Variants in CPEB3 observed in about 807,000 individuals in gnomAD.
CPEB3 encodes the protein cytoplasmic polyadenylation element binding protein 3, also known as cytoplasmic polyadenylation element-binding protein 3.
A neutral mutation model predicts 67.2 loss-of-function variants in CPEB3; 20 were observed. The observed-to-expected ratio is 0.30, with a 90% CI of 0.21 to 0.43. CPEB3 has a LOEUF of 0.43. CPEB3 is among the 20% of genes least tolerant of loss of function. The pLI is 1.00. For synonymous variants in CPEB3, 376 were observed against 393.1 expected (o/e 0.96, Z 0.51); for missense variants, 746 against 968.6 (o/e 0.77, Z 3.05).
chr10:92,075,125 T>C (rs1220225417), intron 9 of CPEB3, among the ~76,000 whole-genome samples: 1 of 152,206 alleles, frequency 6.6e-6, no homozygotes, highest in Non-Finnish European at 1.5e-5. Context: ...TGGCTGGACA[T>C]GCCACAGCAA....
At chr10:92,137,876 C>G (rs1008051391) in intron 6 of CPEB3, 1 of 168,358 alleles carries the variant, frequency 5.9e-6, no homozygotes, top group African/African-American at 2.4e-5. Context: ...TGGCAAGTGC[C>G]TGTAGTCCCA....
At chr10:92,160,588 AC>A (rs1847426165) in intron 4 of CPEB3, among the ~76,000 whole-genome samples, 1 of 152,080 alleles carries the variant, frequency 6.6e-6, no homozygotes, top group Non-Finnish European at 1.5e-5. Flanking sequence ...GAAAGGAAAT[AC>A]TCCATATTTT....
intron 6 of CPEB3, among the ~76,000 whole-genome samples, chr10:92,132,206 T>C (rs1268798551): frequency 6.6e-6 from 1 of 152,168 alleles, no homozygotes; most frequent in Non-Finnish European, 1.5e-5. Context: ...GTGCATTTCT[T>C]GAGAAACAGA....
chr10:92,137,255 T>C (rs1038070344), intron 6 of CPEB3: 6 of 595,974 alleles, frequency 1.0e-5, no homozygotes, highest in South Asian at 3.8e-5. Flanking sequence ...CATGGCTGTA[T>C]TGGGGGCACC....
intron 7 of CPEB3, among the ~76,000 whole-genome samples, chr10:92,110,478 C>T: frequency 6.6e-6 from 1 of 152,172 alleles, no homozygotes; most frequent in Admixed American, 6.5e-5. Flanking sequence ...AATCTTCCTC[C>T]CTTATCCAGT....
At chr10:92,257,687 C>T (rs7098981) in intron 1 of CPEB3, among the ~76,000 whole-genome samples, 61 of 151,238 alleles carry the variant, frequency 4.0e-4, no homozygotes, top group South Asian at 3.7e-3. Context: ...AAACAGAATC[C>T]GGTTCCTGAT....
chr10:92,098,152 A>G (rs970505704), intron 7 of CPEB3, among the ~76,000 whole-genome samples: 2 of 106,716 alleles, frequency 1.9e-5, no homozygotes, highest in African/African-American at 3.4e-5. Flanking sequence ...CAAGAGTGAC[A>G]CTCTGCCTAA....
chr10:92,288,689 T>C (rs183476079), intron 1 of CPEB3, among the ~76,000 whole-genome samples: 2 of 152,320 alleles, frequency 1.3e-5, no homozygotes, highest in Non-Finnish European at 2.9e-5. Flanking sequence ...GTTGGTATAA[T>C]AAGGTCAAGG....
intron 2 of CPEB3, among the ~76,000 whole-genome samples, chr10:92,196,496 C>T (rs569841855): frequency 4.9e-4 from 74 of 152,272 alleles, no homozygotes; most frequent in African/African-American, 1.5e-3. Context: ...TTTCCAGGTG[C>T]AGTGGCTCAC....
intron 9 of CPEB3, among the ~76,000 whole-genome samples, chr10:92,078,503 CTGAT>C (rs918595170): frequency 2.0e-4 from 30 of 151,996 alleles, no homozygotes; most frequent in African/African-American, 7.3e-4. Flanking sequence ...TTGACAGTGA[CTGAT>C]TGAAGCAGCA....
chr10:92,213,005 T>C (rs757730812), intron 2 of CPEB3, among the ~76,000 whole-genome samples: 4 of 152,220 alleles, frequency 2.6e-5, no homozygotes, highest in Non-Finnish European at 5.9e-5. Flanking sequence ...TGCAGTCTAT[T>C]TCTTTGGACA....
intron 4 of CPEB3, among the ~76,000 whole-genome samples, chr10:92,160,784 C>A (rs189964331): frequency 6.6e-6 from 1 of 152,256 alleles, no homozygotes; most frequent in East Asian, 1.9e-4. Context: ...CACTAAACAT[C>A]CAAGTAATAT....
At chr10:92,281,925 CTA>C (rs1286791166) in intron 1 of CPEB3, among the ~76,000 whole-genome samples, 3 of 152,150 alleles carry the variant, frequency 2.0e-5, no homozygotes, top group African/African-American at 7.2e-5. Flanking sequence ...TGTTTTACTA[CTA>C]TTATGAAATA....
In CPEB3 at chr10:92,051,170, T is replaced by C. The variant is rs902234505; in HGVS notation, c.*1042A>G. On this transcript the variant is annotated 3_prime_UTR_variant, in exon 10 of 10. Transcript: ENST00000265997. ...GGCTCTTCCCATTCAGAGCATTCCA[T>C]TTATTGAGGCATGCCTTCCTCCGGT... 16 of 152,588 alleles carry C rather than the reference T, an allele frequency of 1.0e-4. No homozygotes were observed. Among genetic ancestry groups the C allele is most frequent in the Non-Finnish European group, 1.9e-4 (13 of 68,036 alleles). 9.5% of individuals were successfully genotyped at this position (152,588 alleles called of 1,614,324 possible).
intron 1 of CPEB3, 58 bp from the exon 2 acceptor site, chr10:92,240,419 C>G: frequency 7.2e-7 from 1 of 1,388,038 alleles, no homozygotes; most frequent in East Asian, 2.8e-5. Context: ...ATGTCCCTCG[C>G]TGAAGCGGGC....
chr10:92,144,937 C>T lies in CPEB3; in HGVS notation c.1363+8G>A, dbSNP rs1472717116. On this transcript the variant is annotated splice_region_variant and intron_variant, in intron 5 of 9. Coordinates refer to ENST00000265997, the MANE Select transcript of CPEB3 (RefSeq NM_014912.5). Reference sequence around the variant, plus strand: ...GCCTTTGCAAAATCATTAATGAATGCATAGTACCTTCATCAATATCAGGAG... The same window carrying T: ...GCCTTTGCAAAATCATTAATGAATGTATAGTACCTTCATCAATATCAGGAG... The T allele has an allele frequency of 6.2e-7, 1 of 1,612,926 alleles. No individual in the cohort carries two copies. The highest frequency in any genetic ancestry group is 2.2e-5 in the East Asian group (1 of 44,866).
chr10:92,253,463 C>CAAAAAAAAAAA (rs370091703), intron 1 of CPEB3, among the ~76,000 whole-genome samples: 12 of 76,752 alleles, frequency 1.6e-4, no homozygotes, highest in Admixed American at 3.5e-4. Flanking sequence ...TGTCTCAAAA[C>CAAAAAAAAAAA]AAAAAAAAAA....
intron 2 of CPEB3, among the ~76,000 whole-genome samples, chr10:92,227,570 A>G (rs955730749): frequency 6.6e-6 from 1 of 151,702 alleles, no homozygotes; most frequent in African/African-American, 2.4e-5. Flanking sequence ...TGGTTACAAC[A>G]TCTTTATTTA....
At chr10:92,266,765 G>T (rs1853077448) in intron 1 of CPEB3, among the ~76,000 whole-genome samples, 1 of 152,188 alleles carries the variant, frequency 6.6e-6, no homozygotes, top group African/African-American at 2.4e-5. Context: ...TGGGCACGGT[G>T]GCTCACGCCT....
Sources: allele counts gnomAD v4.1 joint callset (sites outside exome capture counted in the v4.1 genomes callset), GRCh38; gene constraint gnomAD v4.1.1; transcripts MANE v1.5; gene names NCBI Gene and HGNC (gene_info 2026-07-23, HGNC 2026-07-21).